Variants in PRPF31 observed in about 807,000 individuals in gnomAD.
The protein encoded by PRPF31 is pre-mRNA processing factor 31, also known as U4/U6 small nuclear ribonucleoprotein Prp31.
PRPF31 carries 12 observed loss-of-function variants against 60.4 expected under a neutral mutation model. The observed-to-expected ratio is 0.20, with a 90% CI of 0.13 to 0.32. PRPF31 has a LOEUF of 0.32. PRPF31 is among the 10% of genes least tolerant of loss of function. The pLI, the probability that PRPF31 is intolerant of heterozygous loss-of-function variation, is 1.00. For synonymous variants in PRPF31, 287 were observed against 287.9 expected (o/e 1.00, Z 0.03); for missense variants, 431 against 687.1 (o/e 0.63, Z 4.17).
At position 54,128,210 on chromosome 19, in the gene PRPF31, C is replaced by G; in HGVS notation, c.1073+10C>G. The G allele has an allele frequency of 1.3e-6, 2 of 1,570,092 alleles. No homozygotes were observed. The highest frequency in any genetic ancestry group is 1.7e-6 in the Non-Finnish European group (2 of 1,159,700). ...AGCGAGGCGGCCGCAGGTGAGGGGCCCTGGGGGTCCGGTAGGCATGGGGGT... is the reference window on the plus strand; with the variant it reads ...AGCGAGGCGGCCGCAGGTGAGGGGCGCTGGGGGTCCGGTAGGCATGGGGGT... On this transcript the variant is annotated intron_variant, in intron 10 of 13. Transcript: ENST00000321030.
chr19:54,130,573 C>G (rs587660019), intron 13 of PRPF31, among the ~76,000 whole-genome samples: 2 of 151,148 alleles, frequency 1.3e-5, no homozygotes, highest in Non-Finnish European at 2.9e-5. Context: ...TGCAGTGAGC[C>G]GAGATCGCGC....
At chr19:54,118,201 A>G (rs587704699) in intron 1 of PRPF31, 70 bp from the exon 2 acceptor site, 2 of 1,608,724 alleles carry the variant, frequency 1.2e-6, no homozygotes, top group South Asian at 2.2e-5. Context: ...CTGGGGGAGA[A>G]TCATCGCTCA....
At chr19:54,126,752 C>G in intron 9 of PRPF31, 135 bp downstream of exon 9, 1 of 919,858 alleles carries the variant, frequency 1.1e-6, no homozygotes, top group East Asian at 2.6e-5. Context: ...CTTCTGCCCA[C>G]CCTCCCTGGG....
intron 3 of PRPF31, chr19:54,120,128 G>A (rs2073751074): frequency 6.6e-6 from 1 of 152,330 alleles, no homozygotes; most frequent in Non-Finnish European, 1.5e-5. Context: ...GCCAGGCAAA[G>A]AAAGGGAGAA....
At chr19:54,123,345 T>G in intron 5 of PRPF31, 109 bp from the exon 6 acceptor site, 1 of 859,916 alleles carries the variant, frequency 1.2e-6, no homozygotes, top group East Asian at 2.4e-5. Flanking sequence ...GCAGAGACCC[T>G]GACTGTCCCA....
Position 54,129,262 on chromosome 19 carries a change from C to T in PRPF31, c.1276-10C>T, listed in dbSNP as rs778773789. The stretch of plus-strand genomic sequence containing the variant: ...GAGCCCAGATCGCAGCCTCCCTGTC[C>T]TCCCCACAGCGGACCCTGCAGAAGC... On this transcript the variant is annotated splice_polypyrimidine_tract_variant and intron_variant, in intron 12 of 13. Coordinates refer to ENST00000321030, the MANE Select transcript of PRPF31 (RefSeq NM_015629.4). 6.2e-7 allele frequency: 1 copy of T among 1,610,350 alleles called. No individual in the cohort carries two copies. The highest frequency in any genetic ancestry group is 8.5e-7 in the Non-Finnish European group (1 of 1,178,976).
rs756881749 is a variant in PRPF31 at position 54,123,991 on chromosome 19, T to C, written c.697+73T>C. The C allele has an allele frequency of 3.7e-4, 592 of 1,599,824 alleles. 2 individuals carry two copies. The highest frequency in any genetic ancestry group is 4.1e-4 in the Non-Finnish European group (486 of 1,176,554). ...TGACCTTGGGAAAGCTACATCCTTT[T>C]CTGTAGAATGGGGGCTTTGGCACCT... On this transcript the variant is annotated intron_variant, in intron 7 of 13. Coordinates refer to ENST00000321030, the MANE Select transcript of PRPF31 (RefSeq NM_015629.4).
intron 9 of PRPF31, among the ~76,000 whole-genome samples, chr19:54,127,260 G>T (rs78723881): frequency 0.89 from 135,198 of 152,212 alleles, 60,306 homozygotes; most frequent in African/African-American, 0.98. Context: ...TCCATTCCCT[G>T]GTCTTTTCCA....
Position 54,122,347 on chromosome 19 carries a change from G to GT in PRPF31, c.323-150_323-149insT. On this transcript the variant is annotated intron_variant, in intron 4 of 13. Transcript: ENST00000321030. ...CCTGGTCACACCTAGCGGTAAGGACGGCTGAGAAAGGCTGTATGCTGGTGC... is the reference window on the plus strand; with the variant it reads ...CCTGGTCACACCTAGCGGTAAGGACGTGCTGAGAAAGGCTGTATGCTGGTGC... The GT allele has an allele frequency of 6.0e-5, 46 of 772,640 alleles. 2 individuals carry two copies. In the South Asian group the frequency reaches 6.2e-4, roughly 10 times the overall value. The allele number at this position is 772,640 out of a possible 1,614,324, so 47.9% of individuals were successfully genotyped here. A position where few individuals can be genotyped will look rare whatever the true frequency, so the allele number is the denominator to read the frequency against.
Position 54,129,407 on chromosome 19 carries a change from G to A in PRPF31, c.1374+37G>A, listed in dbSNP as rs115465403. ...GGGCCGGCTCTGTCCCCAGCCCTGA[G>A]ACCTTGGCAAGGCCCCTTGCCCTCT... On this transcript the variant is annotated intron_variant, in intron 13 of 13. Coordinates refer to ENST00000321030, the MANE Select transcript of PRPF31 (RefSeq NM_015629.4). The A allele has an allele frequency of 2.7e-3, 4,142 of 1,556,678 alleles. 99 individuals carry two copies. In the African/African-American group the frequency reaches 0.047, roughly 18 times the overall value.
In PRPF31 at chr19:54,128,206, G is replaced by A. The variant is rs765404848; in HGVS notation, c.1073+6G>A. The A allele has an allele frequency of 2.5e-6, 4 of 1,570,100 alleles. No homozygotes were observed. The highest frequency in any genetic ancestry group is 2.6e-6 in the Non-Finnish European group (3 of 1,159,798). ...AAGAAGCGAGGCGGCCGCAGGTGAGGGGCCCTGGGGGTCCGGTAGGCATGG... is the reference window on the plus strand; with the variant it reads ...AAGAAGCGAGGCGGCCGCAGGTGAGAGGCCCTGGGGGTCCGGTAGGCATGG... On this transcript the variant is annotated splice_donor_region_variant and intron_variant, in intron 10 of 13. Transcript: ENST00000321030.
chr19:54,123,418 T>C (rs1363221397), intron 5 of PRPF31, 36 bp from the exon 6 acceptor site: 6 of 1,537,180 alleles, frequency 3.9e-6, no homozygotes, highest in Non-Finnish European at 5.4e-6. Flanking sequence ...CTTCCTGAGT[T>C]CCCGAGCCTC....
rs752660801 is a variant in PRPF31 at position 54,118,349 on chromosome 19, G to C, written c.71G>C (p.Gly24Ala). Residue 24 changes from glycine (G) to alanine (A), a missense_variant, in exon 2 of 14, where the codon GGG becomes GCG. Transcript: ENST00000321030. ...GAAGAGGAGGAAGGAGGAAGCTATG[G>C]GGAGGAAGAAGAGGAGCCAGCGATC... ...AAEEEEGGSYGEEEEEPAIED... is the reference protein window; with the variant it reads ...AAEEEEGGSYAEEEEEPAIED... The C allele has an allele frequency of 6.2e-7, 1 of 1,613,992 alleles. No homozygotes were observed. Among genetic ancestry groups the C allele is most frequent in the Non-Finnish European group, 8.5e-7 (1 of 1,179,974 alleles).
intron 9 of PRPF31, among the ~76,000 whole-genome samples, chr19:54,127,266 T>C (rs1238372504): frequency 6.6e-6 from 1 of 152,132 alleles, no homozygotes; most frequent in African/African-American, 2.4e-5. Flanking sequence ...CCCTGGTCTT[T>C]TCCAGCTTCT....
intron 3 of PRPF31, among the ~76,000 whole-genome samples, chr19:54,119,206 C>A (rs754726627): frequency 6.6e-6 from 1 of 151,968 alleles, no homozygotes; most frequent in Non-Finnish European, 1.5e-5. Context: ...CACGGTGACA[C>A]CCCGTCTCTA....
intron 5 of PRPF31, 152 bp downstream of exon 5, chr19:54,122,746 G>A (rs756858911): frequency 9.5e-6 from 7 of 735,338 alleles, no homozygotes; most frequent in South Asian, 1.4e-5. Context: ...TGGGAGGGAC[G>A]GAGCCTGGAC....
intron 3 of PRPF31, among the ~76,000 whole-genome samples, chr19:54,121,231 A>T (rs997759074): frequency 6.6e-6 from 1 of 150,712 alleles, no homozygotes; most frequent in Non-Finnish European, 1.5e-5. Context: ...TGAACCCAGG[A>T]GGCGGAGGTT....
At position 54,131,612 on chromosome 19, in the gene PRPF31, C is replaced by A; in HGVS notation, c.*180C>A. 1.1e-6 allele frequency: 1 copy of A among 884,948 alleles called. No individual in the cohort carries two copies. The highest frequency in any genetic ancestry group is 1.8e-6 in the Non-Finnish European group (1 of 560,406). 54.8% of individuals were successfully genotyped at this position (884,948 alleles called of 1,614,324 possible). A position where few individuals can be genotyped will look rare whatever the true frequency, so the allele number is the denominator to read the frequency against. On this transcript the variant is annotated 3_prime_UTR_variant, in exon 14 of 14. Transcript: ENST00000321030. ...CTGGCCTCCCCCAGGACCGAGATCA[C>A]CGCCCAGTATGGGCTAGAGCAGGTC...
In PRPF31 at chr19:54,128,285, G is replaced by GGGGGCC. The variant is rs1600356468; in HGVS notation, c.1074-20_1074-19insGGGGCC. 1 of 1,540,470 alleles carries GGGGGCC rather than the reference G, an allele frequency of 6.5e-7. No homozygotes were observed. The highest frequency in any genetic ancestry group is 8.8e-7 in the Non-Finnish European group (1 of 1,139,256). On this transcript the variant is annotated intron_variant, in intron 10 of 13. Transcript: ENST00000321030. ...TCCTCCCAGCCGACTCCCTGGCGCCGCCCACCCACCCGTCCCCAGGTACCG... is the reference window on the plus strand; with the variant it reads ...TCCTCCCAGCCGACTCCCTGGCGCCGGGGGCCCCCACCCACCCGTCCCCAGGTACCG...
Sources: gnomAD v4.1 joint callset for allele counts (sites outside exome capture counted in the v4.1 genomes callset) on GRCh38, gnomAD v4.1.1 for gene constraint, MANE v1.5 for transcripts, NCBI Gene and HGNC (gene_info 2026-07-23, HGNC 2026-07-21) for gene names.